TAF2: variants seen among roughly 807,000 people sequenced by gnomAD.
The protein encoded by TAF2 is transcription initiation factor TFIID subunit 2.
Under a neutral mutation model 138.5 loss-of-function variants are expected in TAF2, and 61 were observed. That is an observed-to-expected ratio of 0.44 (90% CI 0.36 to 0.54). TAF2 has a LOEUF of 0.54. Among genes scored for constraint, TAF2 ranks in the 20% least tolerant of loss-of-function variants. TAF2 has a pLI of 0.00. For missense variants in TAF2, 1,090 were observed against 1,427.9 expected (o/e 0.76, Z 3.81); for synonymous variants, 475 against 469.9 (o/e 1.01, Z -0.14).
chr8:119,813,984 C>T (rs552302235), intron 3 of TAF2, among the ~76,000 whole-genome samples: 3 of 152,094 alleles, frequency 2.0e-5, no homozygotes, highest in South Asian at 2.1e-4. Context: ...ATTAACCGAA[C>T]GTGGTGGCAT....
At chr8:119,789,033 A>T in intron 12 of TAF2, 129 bp from the exon 13 acceptor site, 3 of 677,506 alleles carry the variant, frequency 4.4e-6, no homozygotes, top group Non-Finnish European at 8.0e-6. Flanking sequence ...CATACGCTAC[A>T]GTAAACCAGG....
intron 23 of TAF2, among the ~76,000 whole-genome samples, chr8:119,746,014 A>G (rs1282764221): frequency 6.6e-6 from 1 of 152,178 alleles, no homozygotes; most frequent in Admixed American, 6.5e-5. Flanking sequence ...TAAAAAGACA[A>G]GGCCCCTGTT....
intron 22 of TAF2, among the ~76,000 whole-genome samples, chr8:119,755,441 G>A: frequency 6.6e-6 from 1 of 152,048 alleles, no homozygotes; most frequent in East Asian, 1.9e-4. Flanking sequence ...AGGTTGCAGT[G>A]AGCCGAGGCC....
chr8:119,775,540 TAA>T (rs1026416276), intron 18 of TAF2, among the ~76,000 whole-genome samples: 3 of 151,662 alleles, frequency 2.0e-5, no homozygotes, highest in Non-Finnish European at 1.5e-5. Flanking sequence ...TCGTCTCTAC[TAA>T]AAGTACAACA....
intron 18 of TAF2, among the ~76,000 whole-genome samples, chr8:119,773,233 A>G (rs1821978028): frequency 6.6e-6 from 1 of 151,464 alleles, no homozygotes; most frequent in Non-Finnish European, 1.5e-5. Flanking sequence ...TCCAAATAGC[A>G]TTGTGCTAAA....
intron 9 of TAF2, among the ~76,000 whole-genome samples, chr8:119,794,040 A>G (rs1000136378): frequency 6.6e-6 from 1 of 151,926 alleles, no homozygotes; most frequent in African/African-American, 2.4e-5. Context: ...TGATCCTCCC[A>G]CCTCAGCCCA....
chr8:119,804,166 TA>T (rs1824455812), intron 4 of TAF2, 147 bp from the exon 5 acceptor site: 1 of 916,752 alleles, frequency 1.1e-6, no homozygotes, highest in Non-Finnish European at 1.7e-6. Flanking sequence ...TTTAGACTTT[TA>T]CCATATGTCT....
intron 2 of TAF2, among the ~76,000 whole-genome samples, chr8:119,831,428 C>A (rs1177310895): frequency 6.6e-6 from 1 of 151,640 alleles, no homozygotes; most frequent in Non-Finnish European, 1.5e-5. Flanking sequence ...TCATATTATA[C>A]ACCAGATAAA....
intron 3 of TAF2, among the ~76,000 whole-genome samples, chr8:119,815,321 C>A (rs1180415647): frequency 1.3e-5 from 2 of 150,922 alleles, no homozygotes; most frequent in Non-Finnish European, 3.0e-5. Flanking sequence ...GTCGCCCAGG[C>A]TGGAGGGCAG....
intron 2 of TAF2, among the ~76,000 whole-genome samples, chr8:119,825,236 C>A (rs1316945327): frequency 1.3e-5 from 2 of 152,232 alleles, no homozygotes; most frequent in African/African-American, 4.8e-5. Context: ...ATTTGACTGC[C>A]CTGCTGTATT....
intron 21 of TAF2, 108 bp from the exon 22 acceptor site, chr8:119,756,223 T>C (rs1330584380): frequency 1.3e-6 from 1 of 743,470 alleles, no homozygotes; most frequent in African/African-American, 1.7e-5. Flanking sequence ...TCCTTCCTAT[T>C]TTAACACTTT....
At chr8:119,767,373 GC>G (rs1191874582) in intron 18 of TAF2, among the ~76,000 whole-genome samples, 2 of 152,210 alleles carry the variant, frequency 1.3e-5, no homozygotes, top group East Asian at 3.8e-4. Context: ...AAGCCCAGCA[GC>G]CCGCTGAACC....
intron 20 of TAF2, 137 bp from the exon 21 acceptor site, chr8:119,758,279 G>A: frequency 1.4e-6 from 1 of 713,758 alleles, no homozygotes; most frequent in Non-Finnish European, 2.3e-6. Context: ...GAAGGTTATA[G>A]GTAAGCTCTT....
At chr8:119,778,510 A>G (rs535753273) in intron 17 of TAF2, among the ~76,000 whole-genome samples, 33 of 152,364 alleles carry the variant, frequency 2.2e-4, no homozygotes, top group African/African-American at 7.7e-4. Flanking sequence ...AGATTTTAGC[A>G]TTAGATGGAC....
intron 1 of TAF2, 85 bp downstream of exon 1, chr8:119,832,397 C>T (rs1826517946): frequency 1.6e-6 from 2 of 1,290,160 alleles, no homozygotes; most frequent in Non-Finnish European, 1.1e-6. Flanking sequence ...TTTCCCAGGC[C>T]CACCAAGTCA....
At chr8:119,829,863 T>G (rs943134304) in intron 2 of TAF2, among the ~76,000 whole-genome samples, 3 of 139,858 alleles carry the variant, frequency 2.1e-5, no homozygotes, top group African/African-American at 8.6e-5. Flanking sequence ...TTTTTTAGTT[T>G]TTTTTTTTTT....
At chr8:119,821,916 C>T (rs1336725096) in intron 2 of TAF2, among the ~76,000 whole-genome samples, 1 of 151,996 alleles carries the variant, frequency 6.6e-6, no homozygotes, top group Non-Finnish European at 1.5e-5. Flanking sequence ...GCTGTAGTTC[C>T]AGTTACTGGG....
intron 21 of TAF2, among the ~76,000 whole-genome samples, chr8:119,757,768 T>C (rs1024683584): frequency 6.6e-6 from 1 of 151,970 alleles, no homozygotes; most frequent in Non-Finnish European, 1.5e-5. Flanking sequence ...TGGTGGCGCA[T>C]GCCTGTAATC....
intron 22 of TAF2, among the ~76,000 whole-genome samples, chr8:119,749,044 T>C (rs1329981346): frequency 6.6e-6 from 1 of 152,244 alleles, no homozygotes; most frequent in Non-Finnish European, 1.5e-5. Flanking sequence ...TGAACTTTTG[T>C]ATGCTGTCGA....
Sources: allele counts gnomAD v4.1 joint callset (sites outside exome capture counted in the v4.1 genomes callset), GRCh38; gene constraint gnomAD v4.1.1; transcripts MANE v1.5; gene names NCBI Gene and HGNC (gene_info 2026-07-23, HGNC 2026-07-21).